The following SLC17A1 variants were observed in gnomAD, a reference collection of about 807,000 sequenced individuals.
SLC17A1 encodes sodium-dependent phosphate transport protein 1.
Under a neutral mutation model 53.5 loss-of-function variants are expected in SLC17A1, and 51 were observed. The observed-to-expected ratio is 0.95, with a 90% CI of 0.76 to 1.20. The LOEUF (loss-of-function observed/expected upper bound fraction) is 1.20, where lower values mean the gene tolerates loss of function less well. Ranked by LOEUF, SLC17A1 falls within the 50% of genes most tolerant of loss-of-function variation. The pLI, the probability that SLC17A1 is intolerant of heterozygous loss-of-function variation, is 0.00. For missense variants in SLC17A1, 538 were observed against 568.2 expected, an observed-to-expected ratio of 0.95 and a Z score of 0.54; for synonymous variants, 179 against 198.8, an observed-to-expected ratio of 0.90 and a Z score of 0.84.
At chr6:25,742,399 C>G in the SLC17A1 span, among the ~76,000 whole-genome samples, 1 of 151,844 alleles carries the variant, frequency 6.6e-6, no homozygotes, top group African/African-American at 2.4e-5. Context: ...GTGACTCATG[C>G]CTATAATCCC....
intron 7 of SLC17A1, 41 bp downstream of exon 7, chr6:25,813,054 G>A (rs1774911383): frequency 6.2e-7 from 1 of 1,611,110 alleles, no homozygotes; most frequent in Admixed American, 1.7e-5. Context: ...TTAGTTTGGA[G>A]TAGAATCTGG....
the SLC17A1 span, chr6:25,770,879 C>G: frequency 4.8e-6 from 7 of 1,466,070 alleles, no homozygotes; most frequent in Non-Finnish European, 6.7e-6. Context: ...ACATAGAGCC[C>G]CAAGACGAGT....
chr6:25,752,784 C>G, the SLC17A1 span, among the ~76,000 whole-genome samples: 32 of 152,046 alleles, frequency 2.1e-4, no homozygotes, highest in African/African-American at 7.0e-4. Flanking sequence ...AACCCCGTCT[C>G]TACTAAAAAT....
chr6:25,799,620 T>G lies in SLC17A1; in HGVS notation c.1270-701A>C, dbSNP rs531758670. ...CAAATTTCAAATGCTCAGAAGAGTA[T>G]TCAGTTTTTCTCTCCTTTTAAAGCT... On this transcript the variant is annotated intron_variant, in intron 11 of 12. Coordinates refer to ENST00000244527, the MANE Select transcript of SLC17A1 (RefSeq NM_005074.5). Among the ~76,000 whole-genome samples, 3 of 152,312 alleles carry G rather than the reference T, an allele frequency of 2.0e-5. No homozygotes were observed. The East Asian group carries it at 5.8e-4, about 29-fold the overall frequency.
chr6:25,819,902 T>C lies in SLC17A1; in HGVS notation c.221A>G (p.Asn74Ser). The C allele has an allele frequency of 6.2e-7, 1 of 1,609,562 alleles. No homozygotes were observed. The highest frequency in any genetic ancestry group is 2.2e-5 in the East Asian group (1 of 44,850). ...LLDNIKNPMY[N>S]WSPDIQGIIL... ...GATTCCCTGGATATCTGGGCTCCAA[T>C]TATACATAGGGTTCTAAAAGACAAG... Residue 74 changes from asparagine (N) to serine (S), a missense_variant, in exon 4 of 13, where the codon AAT becomes AGT. Transcript: ENST00000244527.
Position 25,826,478 on chromosome 6 carries a change from G to T in SLC17A1, c.190C>A (p.Leu64Ile). 1 of 1,605,172 alleles carries T rather than the reference G, an allele frequency of 6.2e-7. No individual in the cohort carries two copies. Among genetic ancestry groups the T allele is most frequent in the South Asian group, 1.1e-5 (1 of 89,282 alleles). Residue 64 changes from leucine (L) to isoleucine (I), a missense_variant, in exon 3 of 13, where the codon CTC becomes ATC. Physicochemically the swap from Leu to Ile is conservative, Grantham distance 5. Coordinates refer to ENST00000244527, the MANE Select transcript of SLC17A1 (RefSeq NM_005074.5). ...HGLPNTSTKK[L>I]LDNIKNPMYN... ...TGATGTACCTTTATATTATCCAGGA[G>T]CTTCTTTGTGGAGGTGTTGGGCAAA...
chr6:25,818,313 G>A (rs1039698070), intron 6 of SLC17A1, among the ~76,000 whole-genome samples: 1 of 152,156 alleles, frequency 6.6e-6, no homozygotes, highest in Non-Finnish European at 1.5e-5. Context: ...AATGGATTCT[G>A]ATAACTACTT....
At chr6:25,800,854 A>AT in intron 11 of SLC17A1, 36 bp downstream of exon 11, 1 of 1,277,308 alleles carries the variant, frequency 7.8e-7, no homozygotes, top group Non-Finnish European at 1.1e-6. Context: ...TACAATTAAT[A>AT]TTGGAAAAAT....
intron 12 of SLC17A1, among the ~76,000 whole-genome samples, chr6:25,785,824 A>G (rs558458496): frequency 6.6e-6 from 1 of 152,334 alleles, no homozygotes; most frequent in South Asian, 2.1e-4. Context: ...AAAAAGAAAC[A>G]TAACAAGTGT....
At chr6:25,813,346 TTG>T in intron 6 of SLC17A1, 133 bp from the exon 7 acceptor site, 1 of 731,580 alleles carries the variant, frequency 1.4e-6, no homozygotes, top group Non-Finnish European at 2.3e-6. Context: ...TCAACAAGAC[TTG>T]TGTTTTTCAG....
At chr6:25,826,723 C>A in intron 2 of SLC17A1, 90 bp from the exon 3 acceptor site, 1 of 854,358 alleles carries the variant, frequency 1.2e-6, no homozygotes, top group Non-Finnish European at 1.6e-6. Flanking sequence ...AAATTTGGAG[C>A]CCTAGATATT....
the SLC17A1 span, among the ~76,000 whole-genome samples, chr6:25,728,377 G>A: frequency 6.6e-6 from 1 of 152,186 alleles, no homozygotes; most frequent in Non-Finnish European, 1.5e-5. Context: ...GCATTAAACT[G>A]ATTTCAGCCA....
Position 25,811,585 on chromosome 6 carries a change from A to C in SLC17A1, c.1031-40T>G, listed in dbSNP as rs778101582. The C allele has an allele frequency of 7.4e-6, 12 of 1,613,518 alleles. No homozygotes were observed. The East Asian group carries it at 2.7e-4, about 36-fold the overall frequency. On this transcript the variant is annotated intron_variant, in intron 9 of 12. Transcript: ENST00000244527. Reference sequence around the variant, plus strand: ...AGACAACATAGTCAGGTGCATCCTAAAGATAGGGGAGAAGTATCTCCCAAG... The same window carrying C: ...AGACAACATAGTCAGGTGCATCCTACAGATAGGGGAGAAGTATCTCCCAAG...
At chr6:25,726,582 G>C in the SLC17A1 span, 3 of 1,555,272 alleles carry the variant, frequency 1.9e-6, no homozygotes, top group South Asian at 2.4e-5. Context: ...GCTGCTACTG[G>C]GCCTATTTAT....
chr6:25,800,020 G>C (rs1763708105), intron 11 of SLC17A1, among the ~76,000 whole-genome samples: 1 of 152,254 alleles, frequency 6.6e-6, no homozygotes, highest in African/African-American at 2.4e-5. Context: ...ATCTCTCCCT[G>C]TCCCAACTTT....
At chr6:25,773,406 ACTC>A in the SLC17A1 span, 1 of 1,612,948 alleles carries the variant, frequency 6.2e-7, no homozygotes, top group African/African-American at 1.3e-5. Context: ...ACATTGAGGA[ACTC>A]CTCTGACATT....
At chr6:25,801,019 C>T (rs767477277) in intron 10 of SLC17A1, 39 bp from the exon 11 acceptor site, 6 of 1,082,370 alleles carry the variant, frequency 5.5e-6, no homozygotes, top group South Asian at 3.9e-5. Context: ...TAAAGTAGTA[C>T]AAATACTGCA....
the SLC17A1 span, among the ~76,000 whole-genome samples, chr6:25,749,023 G>C: frequency 6.6e-6 from 1 of 152,108 alleles, no homozygotes; most frequent in South Asian, 2.1e-4. Context: ...AACTGCAAGA[G>C]GCCTTCCTCT....
At chr6:25,814,810 C>T (rs1231600699) in intron 6 of SLC17A1, among the ~76,000 whole-genome samples, 1 of 152,018 alleles carries the variant, frequency 6.6e-6, no homozygotes, top group African/African-American at 2.4e-5. Context: ...ATGGTGAAGC[C>T]CCGTCTCTTC....
Sources: gnomAD v4.1 joint callset for allele counts (sites outside exome capture counted in the v4.1 genomes callset) on GRCh38, gnomAD v4.1.1 for gene constraint, MANE v1.5 for transcripts, NCBI Gene and HGNC (gene_info 2026-07-23, HGNC 2026-07-21) for gene names.